The following PTPRK variants were observed in gnomAD, a reference collection of about 807,000 sequenced individuals.
PTPRK encodes protein tyrosine phosphatase receptor type K.
In PTPRK, 75 loss-of-function variants were observed where a neutral mutation model predicts 178.0. The observed-to-expected ratio is 0.42, with a 90% CI of 0.35 to 0.51. The LOEUF (loss-of-function observed/expected upper bound fraction) is 0.51, where lower values mean the gene tolerates loss of function less well. Among genes scored for constraint, PTPRK ranks in the 20% least tolerant of loss-of-function variants. PTPRK has a pLI of 0.02. For missense variants in PTPRK, 1,441 were observed against 1,797.8 expected, an observed-to-expected ratio of 0.80 and a Z score of 3.59; for synonymous variants, 637 against 620.6, an observed-to-expected ratio of 1.03 and a Z score of -0.39.
intron 3 of PTPRK, among the ~76,000 whole-genome samples, chr6:128,317,243 A>G (rs1828130506): frequency 6.6e-6 from 1 of 152,236 alleles, no homozygotes; most frequent in East Asian, 1.9e-4. Context: ...TCAACTGTGC[A>G]TGAAGGTAAG....
At chr6:128,278,405 C>G (rs907318270) in intron 3 of PTPRK, among the ~76,000 whole-genome samples, 2 of 152,114 alleles carry the variant, frequency 1.3e-5, no homozygotes, top group Non-Finnish European at 2.9e-5. Context: ...ATCTGCCCAC[C>G]TTGGCCTCCC....
chr6:128,188,375 TA>T (rs1288935762), intron 6 of PTPRK, among the ~76,000 whole-genome samples: 1 of 152,094 alleles, frequency 6.6e-6, no homozygotes, highest in Non-Finnish European at 1.5e-5. Flanking sequence ...TTCAGTTAAC[TA>T]ATAAAATGCA....
intron 2 of PTPRK, among the ~76,000 whole-genome samples, chr6:128,372,165 A>C (rs1037548739): frequency 1.3e-5 from 2 of 152,178 alleles, no homozygotes; most frequent in Non-Finnish European, 2.9e-5. Flanking sequence ...TCTGTTTCCA[A>C]GTTCTGACTA....
At chr6:128,242,724 T>G (rs530145472) in intron 3 of PTPRK, 122 bp from the exon 4 acceptor site, 1 of 1,371,812 alleles carries the variant, frequency 7.3e-7, no homozygotes, top group South Asian at 1.6e-5. Context: ...ATTAAAAATT[T>G]AACCTTATAA....
At chr6:128,373,210 T>C (rs1836540708) in intron 2 of PTPRK, among the ~76,000 whole-genome samples, 1 of 152,232 alleles carries the variant, frequency 6.6e-6, no homozygotes, top group South Asian at 2.1e-4. Context: ...TTGCAAGGCT[T>C]AGTCCTTGGA....
At chr6:128,074,856 A>C (rs559396379) in intron 11 of PTPRK, among the ~76,000 whole-genome samples, 25 of 152,170 alleles carry the variant, frequency 1.6e-4, no homozygotes, top group African/African-American at 5.8e-4. Context: ...GCACAACACC[A>C]TGATCTCTTA....
At chr6:128,078,686 A>G in intron 11 of PTPRK, 127 bp downstream of exon 11, 1 of 502,218 alleles carries the variant, frequency 2.0e-6, no homozygotes, top group Non-Finnish European at 3.5e-6. Context: ...AGGTTTGCAT[A>G]TATAGAAAAA....
chr6:128,013,047 C>G (rs1231410472), intron 13 of PTPRK, among the ~76,000 whole-genome samples: 2 of 151,362 alleles, frequency 1.3e-5, no homozygotes, highest in Non-Finnish European at 3.0e-5. Context: ...TTTCTAATGA[C>G]TTGCAAGTTT....
At chr6:128,064,630 C>A in intron 13 of PTPRK, 128 bp downstream of exon 13, 1 of 1,208,612 alleles carries the variant, frequency 8.3e-7, no homozygotes, top group Non-Finnish European at 1.1e-6. Context: ...GTTAAAGACA[C>A]CCACATGAGT....
intron 11 of PTPRK, among the ~76,000 whole-genome samples, chr6:128,076,489 T>C (rs1475325144): frequency 6.6e-6 from 1 of 152,042 alleles, no homozygotes; most frequent in Non-Finnish European, 1.5e-5. Context: ...GGGATTAGCA[T>C]ATCAGTTAGA....
At chr6:128,416,060 G>C (rs1318743727) in intron 1 of PTPRK, among the ~76,000 whole-genome samples, 1 of 152,038 alleles carries the variant, frequency 6.6e-6, no homozygotes, top group Non-Finnish European at 1.5e-5. Context: ...GAGATGAAAA[G>C]TGCCTGTCCT....
chr6:128,330,163 A>C (rs1830085812), intron 2 of PTPRK, among the ~76,000 whole-genome samples: 1 of 152,212 alleles, frequency 6.6e-6, no homozygotes, highest in Non-Finnish European at 1.5e-5. Context: ...AGACAGCTTA[A>C]GAAGCAATAA....
At chr6:128,311,509 C>T (rs935608412) in intron 3 of PTPRK, among the ~76,000 whole-genome samples, 3 of 152,138 alleles carry the variant, frequency 2.0e-5, no homozygotes, top group African/African-American at 7.2e-5. Flanking sequence ...TCAAGACCCT[C>T]CATGTGGGCC....
intron 3 of PTPRK, among the ~76,000 whole-genome samples, chr6:128,305,667 A>G (rs1175193062): frequency 1.3e-5 from 2 of 152,206 alleles, no homozygotes; most frequent in Non-Finnish European, 2.9e-5. Flanking sequence ...AGATTCTGTC[A>G]ATTATTCTAA....
At chr6:128,047,610 C>A (rs1266681894) in intron 13 of PTPRK, among the ~76,000 whole-genome samples, 1 of 151,930 alleles carries the variant, frequency 6.6e-6, no homozygotes, top group Non-Finnish European at 1.5e-5. Context: ...TAGACTGACA[C>A]CAAGAAAGAG....
At chr6:128,131,391 C>T (rs1794216434) in intron 7 of PTPRK, among the ~76,000 whole-genome samples, 1 of 152,154 alleles carries the variant, frequency 6.6e-6, no homozygotes, top group South Asian at 2.1e-4. Context: ...TGCGGAGCCA[C>T]ATCGGATGAA....
At chr6:128,231,551 GT>G (rs1209838302) in intron 5 of PTPRK, among the ~76,000 whole-genome samples, 1 of 152,196 alleles carries the variant, frequency 6.6e-6, no homozygotes, top group Non-Finnish European at 1.5e-5. Context: ...GGCACCAACA[GT>G]TTTCCCATAG....
At chr6:128,486,152 GT>G (rs946443583) in intron 1 of PTPRK, among the ~76,000 whole-genome samples, 1 of 151,322 alleles carries the variant, frequency 6.6e-6, no homozygotes, top group Non-Finnish European at 1.5e-5. Context: ...TGTTATCTTT[GT>G]TTTTTTAAAA....
chr6:127,970,090 A>T lies in PTPRK; in HGVS notation c.*137T>A. On this transcript the variant is annotated 3_prime_UTR_variant, in exon 30 of 30. Transcript: ENST00000368226. ...AGATACACAACTTCATAAAAAAAAT[A>T]CTTTTACCTCTCAAATGTAAAAGTC... The T allele has an allele frequency of 1.8e-6, 1 of 570,908 alleles. No individual in the cohort carries two copies. 35.4% of individuals were successfully genotyped at this position (570,908 alleles called of 1,614,324 possible). A position where few individuals can be genotyped will look rare whatever the true frequency, so the allele number is the denominator to read the frequency against.
Sources: gnomAD v4.1 joint callset for allele counts (sites outside exome capture counted in the v4.1 genomes callset) on GRCh38, gnomAD v4.1.1 for gene constraint, MANE v1.5 for transcripts, NCBI Gene and HGNC (gene_info 2026-07-23, HGNC 2026-07-21) for gene names.